The following DCAF10 variants were observed in gnomAD, a reference collection of about 807,000 sequenced individuals.
DCAF10 encodes the protein DDB1- and CUL4-associated factor 10.
DCAF10 carries 19 observed loss-of-function variants against 51.9 expected under a neutral mutation model. The ratio of observed to expected loss-of-function variants is 0.37; its 90% CI spans 0.26 to 0.54. The LOEUF is 0.54. Among genes scored for constraint, DCAF10 ranks in the 20% least tolerant of loss-of-function variants. The pLI, the probability that DCAF10 is intolerant of heterozygous loss-of-function variation, is 0.87. For synonymous variants in DCAF10, 291 were observed against 297.1 expected, an observed-to-expected ratio of 0.98 and a Z score of 0.21; for missense variants, 510 against 730.6, an observed-to-expected ratio of 0.70 and a Z score of 3.48.
chr9:37,820,099 G>A (rs1200366683), intron 2 of DCAF10, among the ~76,000 whole-genome samples: 1 of 152,062 alleles, frequency 6.6e-6, no homozygotes, highest in Non-Finnish European at 1.5e-5. Flanking sequence ...TATGTAATGA[G>A]ATTATATTAC....
In DCAF10 at chr9:37,801,513, C is replaced by T. The variant is rs998182974; in HGVS notation, c.539+108C>T. ...GCGCCCGGGCCGAGGTTAGCGAGGC[C>T]GTTTGGGGCCGCTGGCCTTCGTGCC... On this transcript the variant is annotated intron_variant, in intron 1 of 6. Transcript: ENST00000377724. The surrounding 1 kb of genome is among the most constrained non-coding windows in gnomAD (Gnocchi z 5.5). 3.9e-6 allele frequency: 5 copies of T among 1,267,282 alleles called. No individual in the cohort carries two copies. Among genetic ancestry groups the T allele is most frequent in the South Asian group, 2.2e-5 (1 of 46,080 alleles). The allele number at this position is 1,267,282 out of a possible 1,614,324, so 78.5% of individuals were successfully genotyped here.
chr9:37,800,820 T>A lies in DCAF10; in HGVS notation c.-47T>A. On this transcript the variant is annotated 5_prime_UTR_variant, in exon 1 of 7. Transcript: ENST00000377724. The stretch of plus-strand genomic sequence containing the variant: ...GCAGCTGAACAGGGGCACTGAGGTG[T>A]CGGCCGGCGGGGCAGTGGCCCGGAG... 8 of 1,492,370 alleles carry A rather than the reference T, an allele frequency of 5.4e-6. No individual in the cohort carries two copies. Among genetic ancestry groups the A allele is most frequent in the Non-Finnish European group, 7.1e-6 (8 of 1,126,944 alleles). 92.4% of individuals were successfully genotyped at this position (1,492,370 alleles called of 1,614,324 possible). A position where few individuals can be genotyped will look rare whatever the true frequency, so the allele number is the denominator to read the frequency against.
chr9:37,829,719 G>C lies in DCAF10; in HGVS notation c.653+10318G>C, dbSNP rs1829952760. Among the ~76,000 whole-genome samples, 1 of 151,850 alleles carries C rather than the reference G, an allele frequency of 6.6e-6. No homozygotes were observed. The highest frequency in any genetic ancestry group is 1.5e-5 in the Non-Finnish European group (1 of 67,958). The stretch of plus-strand genomic sequence containing the variant: ...GAAGATTAATTTTTTTTTAATAATT[G>C]ATGCAGGCTGGGCATGGTGGCTCAT... On this transcript the variant is annotated intron_variant, in intron 2 of 6. Coordinates refer to ENST00000377724, the MANE Select transcript of DCAF10 (RefSeq NM_024345.5). The surrounding 1 kb of genome is among the most constrained non-coding windows in gnomAD (Gnocchi z 4.2).
intron 2 of DCAF10, among the ~76,000 whole-genome samples, chr9:37,830,428 C>T (rs184189330): frequency 7.9e-5 from 12 of 152,066 alleles, no homozygotes; most frequent in East Asian, 1.9e-4. Context: ...AAAAACTGAA[C>T]GCAAAACAAT....
intron 2 of DCAF10, among the ~76,000 whole-genome samples, chr9:37,841,155 G>T (rs1830324506): frequency 6.6e-6 from 1 of 152,134 alleles, no homozygotes; most frequent in Non-Finnish European, 1.5e-5. Context: ...CAGATCCAGG[G>T]GCAGGAGGAA....
chr9:37,804,731 G>A (rs1459571105), intron 1 of DCAF10, among the ~76,000 whole-genome samples: 6 of 151,256 alleles, frequency 4.0e-5, no homozygotes, highest in Non-Finnish European at 8.8e-5. Context: ...AGCCAAGACC[G>A]TACCACTGCA....
chr9:37,859,010 G>A (rs950710352), intron 5 of DCAF10, among the ~76,000 whole-genome samples: 1 of 152,210 alleles, frequency 6.6e-6, no homozygotes, highest in African/African-American at 2.4e-5. Flanking sequence ...TGCATTTCTT[G>A]TCTGGTTTTG....
In DCAF10 at chr9:37,839,351, C is replaced by T. The variant is rs886922018; in HGVS notation, c.654-2738C>T. ...CTGGGATTACAGGCGTGAGCCACTGCGCCCAGCCGATTTTTTTTCATTAAA... is the reference window on the plus strand; with the variant it reads ...CTGGGATTACAGGCGTGAGCCACTGTGCCCAGCCGATTTTTTTTCATTAAA... On this transcript the variant is annotated intron_variant, in intron 2 of 6. Transcript: ENST00000377724. Among the ~76,000 whole-genome samples the T allele has an allele frequency of 9.9e-5, 15 of 152,174 alleles. 1 individual carries two copies. The South Asian group carries it at 1.7e-3, about 17-fold the overall frequency.
intron 1 of DCAF10, among the ~76,000 whole-genome samples, chr9:37,816,006 C>T (rs1355126524): frequency 1.3e-5 from 2 of 152,154 alleles, no homozygotes; most frequent in Non-Finnish European, 2.9e-5. Flanking sequence ...GTTGCACAGG[C>T]TGGTCTCAAA....
At position 37,861,680 on chromosome 9, in the gene DCAF10, A is replaced by G; in HGVS notation, c.*172A>G. On this transcript the variant is annotated 3_prime_UTR_variant, in exon 7 of 7. Transcript: ENST00000377724. The surrounding 1 kb of genome is among the most constrained non-coding windows in gnomAD (Gnocchi z 4.9). ...AGTACTTGGTCATCCAGCATCATACAGGCATCTCCAAGTTAGACTCTATGC... is the reference window on the plus strand; with the variant it reads ...AGTACTTGGTCATCCAGCATCATACGGGCATCTCCAAGTTAGACTCTATGC... 9 of 856,406 alleles carry G rather than the reference A, an allele frequency of 1.1e-5. No homozygotes were observed. The South Asian group carries it at 1.3e-4, about 13-fold the overall frequency. 53.1% of individuals were successfully genotyped at this position (856,406 alleles called of 1,614,324 possible).
intron 1 of DCAF10, among the ~76,000 whole-genome samples, chr9:37,808,523 A>G (rs1196305044): frequency 2.6e-5 from 3 of 114,380 alleles, no homozygotes; most frequent in Non-Finnish European, 5.3e-5. Flanking sequence ...TATATAATAT[A>G]TTATATAAAT....
intron 2 of DCAF10, among the ~76,000 whole-genome samples, chr9:37,825,459 A>G (rs1829823566): frequency 6.6e-6 from 1 of 152,216 alleles, no homozygotes; most frequent in African/African-American, 2.4e-5. Context: ...ATCTTTAGCA[A>G]ATTAATGCAG....
chr9:37,824,625 C>T (rs535039845), intron 2 of DCAF10, among the ~76,000 whole-genome samples: 1 of 150,730 alleles, frequency 6.6e-6, no homozygotes, highest in South Asian at 2.1e-4. Context: ...AGAAAGAGTT[C>T]CAAATATATG....
intron 2 of DCAF10, among the ~76,000 whole-genome samples, chr9:37,825,682 T>C (rs1829829533): frequency 6.6e-6 from 1 of 152,062 alleles, no homozygotes; most frequent in South Asian, 2.1e-4. Context: ...TGACACAAGT[T>C]TAGCTATATA....
intron 1 of DCAF10, among the ~76,000 whole-genome samples, chr9:37,810,564 C>T (rs1261899633): frequency 6.6e-6 from 1 of 151,998 alleles, no homozygotes; most frequent in Non-Finnish European, 1.5e-5. Flanking sequence ...CGGGTTCAAG[C>T]GATTCTCCTG....
At chr9:37,809,223 G>T (rs1299838975) in intron 1 of DCAF10, among the ~76,000 whole-genome samples, 2 of 151,926 alleles carry the variant, frequency 1.3e-5, no homozygotes, top group Non-Finnish European at 2.9e-5. Context: ...GAAATCATAT[G>T]TCTCAAAACT....
At chr9:37,847,161 G>A (rs1027013228) in intron 3 of DCAF10, among the ~76,000 whole-genome samples, 2 of 148,584 alleles carry the variant, frequency 1.3e-5, no homozygotes, top group Non-Finnish European at 3.0e-5. Flanking sequence ...GCTGAGGCAG[G>A]AGAATCATGT....
intron 2 of DCAF10, chr9:37,836,042 C>T (rs1178776815): frequency 4.6e-6 from 5 of 1,091,716 alleles, no homozygotes; most frequent in Non-Finnish European, 7.1e-6. Flanking sequence ...CGCGCCGCCA[C>T]GGTAAGGCTG....
intron 1 of DCAF10, among the ~76,000 whole-genome samples, chr9:37,804,383 C>G (rs1829047584): frequency 6.6e-6 from 1 of 152,018 alleles, no homozygotes; most frequent in South Asian, 2.1e-4. Flanking sequence ...AAGAAAGGCA[C>G]CAAGCCATGA....
Sources: gnomAD v4.1 joint callset for allele counts (sites outside exome capture counted in the v4.1 genomes callset) on GRCh38, gnomAD v4.1.1 for gene constraint, Gnocchi (gnomAD v3.1) non-coding constraint, MANE v1.5 for transcripts, NCBI Gene and HGNC (gene_info 2026-07-23, HGNC 2026-07-21) for gene names.